Variants in TRAPPC13 observed in about 807,000 individuals in gnomAD.
TRAPPC13 encodes the protein trafficking protein particle complex subunit 13.
Under a neutral mutation model 54.0 loss-of-function variants are expected in TRAPPC13, and 39 were observed. The ratio of observed to expected loss-of-function variants is 0.72; its 90% CI spans 0.56 to 0.94. The LOEUF is 0.94. TRAPPC13 is among the 40% of genes least tolerant of loss of function. The pLI, the probability that TRAPPC13 is intolerant of heterozygous loss-of-function variation, is 0.00. For synonymous variants in TRAPPC13, 148 were observed against 167.7 expected (o/e 0.88, Z 0.91); for missense variants, 386 against 488.1 (o/e 0.79, Z 1.97).
intron 9 of TRAPPC13, 76 bp from the exon 10 acceptor site, chr5:65,660,623 G>C: frequency 1.6e-6 from 2 of 1,252,434 alleles, no homozygotes; most frequent in Non-Finnish European, 2.2e-6. Context: ...CCTATCCAAA[G>C]GAACAATCAC....
chr5:65,632,881 A>C (rs549887645), intron 1 of TRAPPC13, among the ~76,000 whole-genome samples: 1 of 152,334 alleles, frequency 6.6e-6, no homozygotes, highest in South Asian at 2.1e-4. Context: ...CTTTCAAAAT[A>C]ATGTCAGTTA....
chr5:65,627,745 G>A (rs1378157658), intron 1 of TRAPPC13, among the ~76,000 whole-genome samples: 1 of 152,094 alleles, frequency 6.6e-6, no homozygotes, highest in East Asian at 1.9e-4. Flanking sequence ...AAAAACATTA[G>A]TGCATCATTA....
intron 4 of TRAPPC13, among the ~76,000 whole-genome samples, chr5:65,643,833 G>GAAAAAAAAAAAAAAA (rs1358172579): frequency 1.4e-5 from 1 of 70,546 alleles, no homozygotes; most frequent in African/African-American, 4.9e-5. Flanking sequence ...AAAAAAAAAA[G>GAAAAAAAAAAAAAAA]AAAGAAAAAA....
At chr5:65,655,039 T>C (rs1229991080) in intron 7 of TRAPPC13, among the ~76,000 whole-genome samples, 1 of 152,190 alleles carries the variant, frequency 6.6e-6, no homozygotes, top group Non-Finnish European at 1.5e-5. Context: ...GAGGTGACAT[T>C]TGAGATTGCT....
chr5:65,626,703 G>T (rs577014614), intron 1 of TRAPPC13, among the ~76,000 whole-genome samples: 2 of 151,826 alleles, frequency 1.3e-5, no homozygotes, highest in Admixed American at 6.6e-5. Flanking sequence ...GCCACTGCAC[G>T]CCATCCTAGG....
intron 4 of TRAPPC13, among the ~76,000 whole-genome samples, chr5:65,642,892 A>C (rs1459686349): frequency 6.6e-6 from 1 of 152,230 alleles, no homozygotes; most frequent in Non-Finnish European, 1.5e-5. Flanking sequence ...CCAAATTAAA[A>C]AATAAATTAA....
intron 1 of TRAPPC13, among the ~76,000 whole-genome samples, chr5:65,631,746 C>T (rs1188249468): frequency 1.3e-5 from 2 of 152,110 alleles, no homozygotes; most frequent in African/African-American, 2.4e-5. Flanking sequence ...AAGTTGGGAT[C>T]ACTTTATTTT....
intron 1 of TRAPPC13, among the ~76,000 whole-genome samples, chr5:65,631,532 C>T (rs1373418401): frequency 6.6e-6 from 1 of 152,184 alleles, no homozygotes; most frequent in Non-Finnish European, 1.5e-5. Context: ...CTGCCACCTT[C>T]TACCCTCAAA....
chr5:65,644,301 C>T (rs1324017549), intron 4 of TRAPPC13, among the ~76,000 whole-genome samples: 6 of 152,212 alleles, frequency 3.9e-5, no homozygotes, highest in South Asian at 2.1e-4. Flanking sequence ...CTCAGCCTCC[C>T]GAGTAGCTGG....
At chr5:65,632,365 TTAAAAA>T (rs1016896146) in intron 1 of TRAPPC13, among the ~76,000 whole-genome samples, 3 of 152,168 alleles carry the variant, frequency 2.0e-5, no homozygotes, top group Non-Finnish European at 4.4e-5. Context: ...GTTTTCGTAG[TTAAAAA>T]TAAGAGTGAA....
chr5:65,638,421 G>C (rs959927249), intron 4 of TRAPPC13, among the ~76,000 whole-genome samples: 4 of 152,286 alleles, frequency 2.6e-5, no homozygotes, highest in African/African-American at 9.6e-5. Context: ...AGGTTTCTTG[G>C]GGGAGAGGGA....
At chr5:65,642,901 A>G (rs1756023827) in intron 4 of TRAPPC13, among the ~76,000 whole-genome samples, 1 of 152,354 alleles carries the variant, frequency 6.6e-6, no homozygotes, top group South Asian at 2.1e-4. Context: ...AAAATAAATT[A>G]AAAATTAAAA....
At chr5:65,625,445 T>G in intron 1 of TRAPPC13, 1 of 311,410 alleles carries the variant, frequency 3.2e-6, no homozygotes. Context: ...TGTCTCTTGT[T>G]TCTTCCTGTG....
intron 1 of TRAPPC13, among the ~76,000 whole-genome samples, chr5:65,633,447 A>T (rs1334941551): frequency 1.3e-5 from 2 of 151,680 alleles, no homozygotes; most frequent in African/African-American, 2.4e-5. Flanking sequence ...TGCTAGGCTA[A>T]TTTTTTTTAT....
intron 1 of TRAPPC13, chr5:65,629,617 A>C: frequency 6.5e-7 from 1 of 1,535,266 alleles, no homozygotes; most frequent in Non-Finnish European, 8.7e-7. Flanking sequence ...TACATTATCG[A>C]CCATGTGAGA....
At chr5:65,658,236 A>G in intron 8 of TRAPPC13, 132 bp from the exon 9 acceptor site, 1 of 809,162 alleles carries the variant, frequency 1.2e-6, no homozygotes, top group Non-Finnish European at 1.8e-6. Flanking sequence ...AATTGTGGTA[A>G]CTTTGATTTG....
intron 7 of TRAPPC13, among the ~76,000 whole-genome samples, chr5:65,653,713 G>T (rs78231699): frequency 6.6e-6 from 1 of 152,094 alleles, no homozygotes; most frequent in African/African-American, 2.4e-5. Context: ...TTCAAGCAGG[G>T]TTACAAATGG....
In TRAPPC13 at chr5:65,649,757, T is replaced by C. The variant is rs12109921; in HGVS notation, c.429-1053T>C. On this transcript the variant is annotated intron_variant, in intron 5 of 12. Coordinates refer to ENST00000399438, the MANE Select transcript of TRAPPC13 (RefSeq NM_024941.4). The stretch of plus-strand genomic sequence containing the variant: ...TATTGTTACAAGTATTTTATCCTAG[T>C]TTGTTTCTGCTTTGTAATTGTTTTA... Among the ~76,000 whole-genome samples, 887 of 152,312 alleles carry C rather than the reference T, an allele frequency of 5.8e-3. 9 individuals are homozygous for C. Among genetic ancestry groups the C allele is most frequent in the African/African-American group, 0.021 (853 of 41,564 alleles).
Position 65,625,265 on chromosome 5 carries a change from G to A in TRAPPC13, c.46+159G>A, listed in dbSNP as rs531067204. 331 of 650,050 alleles carry A rather than the reference G, an allele frequency of 5.1e-4. 4 individuals are homozygous for A. The South Asian group carries it at 5.8e-3, about 11-fold the overall frequency. 40.3% of individuals were successfully genotyped at this position (650,050 alleles called of 1,614,324 possible). A position where few individuals can be genotyped will look rare whatever the true frequency, so the allele number is the denominator to read the frequency against. The stretch of plus-strand genomic sequence containing the variant: ...CGGGAGGAAGCGATTTCTCCTGGAT[G>A]CTTTTTAGGTTTATGGGCCCCTTTC... On this transcript the variant is annotated intron_variant, in intron 1 of 12. Transcript: ENST00000399438.
Sources: allele counts gnomAD v4.1 joint callset (sites outside exome capture counted in the v4.1 genomes callset), GRCh38; gene constraint gnomAD v4.1.1; transcripts MANE v1.5; gene names NCBI Gene and HGNC (gene_info 2026-07-23, HGNC 2026-07-21).